The following GLCCI1 variants were observed in gnomAD, a reference collection of about 807,000 sequenced individuals.
GLCCI1 encodes glucocorticoid-induced transcript 1 protein.
In GLCCI1, 24 loss-of-function variants were observed where a neutral mutation model predicts 52.2. The ratio of observed to expected loss-of-function variants is 0.46; its 90% CI spans 0.33 to 0.65. GLCCI1 has a LOEUF of 0.65. Ranked by LOEUF, GLCCI1 falls within the 30% of genes least tolerant of loss-of-function variation. The pLI, the probability that GLCCI1 is intolerant of heterozygous loss-of-function variation, is 0.02. For missense variants in GLCCI1, 704 were observed against 701.5 expected, an observed-to-expected ratio of 1.00 and a Z score of -0.04; for synonymous variants, 310 against 276.5, an observed-to-expected ratio of 1.12 and a Z score of -1.20.
At chr7:8,001,705 A>G (rs867828556) in intron 1 of GLCCI1, among the ~76,000 whole-genome samples, 1 of 152,224 alleles carries the variant, frequency 6.6e-6, no homozygotes, top group Non-Finnish European at 1.5e-5. Flanking sequence ...AACCAACCCA[A>G]ATGTCCATCA....
chr7:8,057,239 C>T (rs902066514), intron 4 of GLCCI1, among the ~76,000 whole-genome samples: 1 of 151,858 alleles, frequency 6.6e-6, no homozygotes, highest in South Asian at 2.1e-4. Context: ...CACACAAACA[C>T]TTGTACATGA....
intron 2 of GLCCI1, among the ~76,000 whole-genome samples, chr7:8,017,851 A>G (rs1465535696): frequency 6.6e-6 from 1 of 152,200 alleles, no homozygotes; most frequent in Non-Finnish European, 1.5e-5. Flanking sequence ...GGATAATTAC[A>G]CTAGAACCAC....
rs1783107965 is a variant in GLCCI1, at chr7:8,086,418, T to C, written c.1524T>C (p.Asp508=). 1 of 1,614,178 alleles carries C rather than the reference T, an allele frequency of 6.2e-7. No homozygotes were observed. The highest frequency in any genetic ancestry group is 1.3e-5 in the African/African-American group (1 of 75,036). The change falls in exon 8 of 8, where the codon GAT becomes GAC. Residue 508 remains aspartate (D), a synonymous_variant. Coordinates refer to ENST00000223145, the MANE Select transcript of GLCCI1 (RefSeq NM_138426.4). This position sits in a 1 kb window ranked among gnomAD's most constrained non-coding sequence, Gnocchi z 4.4. ...GGGTTTCCTTTACGTCTCTTTCTGA[T>C]GACACCAGCACAGCGGGCTCCATGG... ...SSRVSFTSLS[D]DTSTAGSMEA... is the part of the protein sequence containing the mutation.
intron 1 of GLCCI1, among the ~76,000 whole-genome samples, chr7:8,000,934 C>G (rs1264107159): frequency 6.6e-6 from 1 of 152,162 alleles, no homozygotes; most frequent in Non-Finnish European, 1.5e-5. Flanking sequence ...ATGTGTGTCT[C>G]TGCATGTGAG....
intron 1 of GLCCI1, among the ~76,000 whole-genome samples, chr7:7,987,989 C>T (rs930695482): frequency 5.9e-5 from 9 of 152,246 alleles, no homozygotes; most frequent in Admixed American, 5.2e-4. Flanking sequence ...TTGAGAACAA[C>T]AGTACCAAGA....
chr7:8,038,419 A>G (rs1361795816), intron 3 of GLCCI1, among the ~76,000 whole-genome samples: 3 of 151,970 alleles, frequency 2.0e-5, no homozygotes, highest in African/African-American at 7.3e-5. Flanking sequence ...TAGGATAGCA[A>G]AAACATAAAT....
At chr7:8,075,898 A>G (rs1357681063) in intron 6 of GLCCI1, among the ~76,000 whole-genome samples, 4 of 152,212 alleles carry the variant, frequency 2.6e-5, no homozygotes, top group Non-Finnish European at 5.9e-5. Flanking sequence ...TATTTAACTC[A>G]TTCTGTGATT....
At chr7:8,008,039 CA>C (rs1404486580) in intron 2 of GLCCI1, among the ~76,000 whole-genome samples, 1 of 152,052 alleles carries the variant, frequency 6.6e-6, no homozygotes, top group Non-Finnish European at 1.5e-5. Flanking sequence ...GAAATGATTA[CA>C]TCAATCTATT....
chr7:8,028,849 C>T (rs189098867), intron 3 of GLCCI1, among the ~76,000 whole-genome samples: 4 of 152,120 alleles, frequency 2.6e-5, no homozygotes, highest in Admixed American at 2.6e-4. Flanking sequence ...ATTGGAATAT[C>T]TATAAGAAAT....
chr7:8,008,115 A>G (rs1162905244), intron 2 of GLCCI1, among the ~76,000 whole-genome samples: 1 of 151,684 alleles, frequency 6.6e-6, no homozygotes, highest in East Asian at 1.9e-4. Flanking sequence ...TCTCTTAGCA[A>G]TTTTCAAGTA....
At chr7:8,036,025 A>G (rs1781859500) in intron 3 of GLCCI1, among the ~76,000 whole-genome samples, 1 of 152,238 alleles carries the variant, frequency 6.6e-6, no homozygotes, top group Non-Finnish European at 1.5e-5. Context: ...TTGAAGCAAC[A>G]GAGAGATCCT....
chr7:8,029,145 C>T (rs944451103), intron 3 of GLCCI1, among the ~76,000 whole-genome samples: 16 of 152,036 alleles, frequency 1.1e-4, no homozygotes, highest in Non-Finnish European at 2.4e-4. Context: ...AAAGACACAT[C>T]AGAAAAGTAA....
At chr7:8,015,142 A>G (rs888515470) in intron 2 of GLCCI1, among the ~76,000 whole-genome samples, 46 of 152,222 alleles carry the variant, frequency 3.0e-4, no homozygotes, top group Admixed American at 2.6e-3. Flanking sequence ...ACTAAAACAT[A>G]TATATTCTTT....
intron 1 of GLCCI1, among the ~76,000 whole-genome samples, chr7:7,999,196 T>C (rs553586603): frequency 6.6e-6 from 1 of 152,058 alleles, no homozygotes. Context: ...TGATTAAAAA[T>C]ATAATAAAAG....
chr7:8,006,099 A>G (rs923567144), intron 2 of GLCCI1, among the ~76,000 whole-genome samples: 2 of 152,208 alleles, frequency 1.3e-5, no homozygotes, highest in African/African-American at 2.4e-5. Context: ...CTCCTGGCCC[A>G]GAAATATTAT....
rs573661273 is a variant in GLCCI1 at position 8,083,601 on chromosome 7, T to G, written c.1178-1296T>G. Among the ~76,000 whole-genome samples the G allele has an allele frequency of 1.8e-3, 278 of 152,316 alleles. 1 individual carries two copies. The highest frequency in any genetic ancestry group is 3.0e-3 in the Non-Finnish European group (201 of 68,026). On this transcript the variant is annotated intron_variant, in intron 6 of 7. Coordinates refer to ENST00000223145, the MANE Select transcript of GLCCI1 (RefSeq NM_138426.4). ...TATATGAAGAAACCAAATTTCATTC[T>G]AAGACTTAATTTTTTCCAAGAGGCT... is the stretch of plus-strand genomic sequence containing the variant.
chr7:8,072,074 G>C (rs910122269), intron 6 of GLCCI1, among the ~76,000 whole-genome samples: 1 of 152,164 alleles, frequency 6.6e-6, no homozygotes, highest in African/African-American at 2.4e-5. Flanking sequence ...CCTACATCAA[G>C]TATAGATATA....
chr7:8,043,197 A>G (rs1160859560), intron 3 of GLCCI1, among the ~76,000 whole-genome samples: 2 of 152,228 alleles, frequency 1.3e-5, no homozygotes, highest in Non-Finnish European at 2.9e-5. Context: ...TAATATAAAC[A>G]TAACTTTTAT....
At chr7:8,007,475 A>G (rs1458282536) in intron 2 of GLCCI1, among the ~76,000 whole-genome samples, 1 of 152,080 alleles carries the variant, frequency 6.6e-6, no homozygotes, top group East Asian at 1.9e-4. Context: ...ACCACTAACT[A>G]CTAACCTACT....
Sources: allele counts gnomAD v4.1 joint callset (sites outside exome capture counted in the v4.1 genomes callset), GRCh38; gene constraint gnomAD v4.1.1; non-coding constraint Gnocchi (gnomAD v3.1); transcripts MANE v1.5; gene names NCBI Gene and HGNC (gene_info 2026-07-23, HGNC 2026-07-21).